Variants in GALNT13 observed in about 807,000 individuals in gnomAD.
GALNT13 encodes UDP-GalNAc:polypeptide N-acetylgalactosaminyltransferase 13.
A neutral mutation model predicts 64.2 loss-of-function variants in GALNT13; 28 were observed. That is an observed-to-expected ratio of 0.44 (90% confidence interval 0.32 to 0.60). The LOEUF (loss-of-function observed/expected upper bound fraction) is 0.60, where lower values mean the gene tolerates loss of function less well. Ranked by LOEUF, GALNT13 falls within the 20% of genes least tolerant of loss-of-function variation. The probability of loss-of-function intolerance (pLI) is 0.05; values close to 1 mark genes in which losing one functional copy is unlikely to be tolerated. For synonymous variants in GALNT13, 214 were observed against 224.6 expected (o/e 0.95, Z 0.42); for missense variants, 577 against 669.8 (o/e 0.86, Z 1.53).
intron 3 of GALNT13, among the ~76,000 whole-genome samples, chr2:154,107,376 C>T (rs944086676): frequency 1.3e-5 from 2 of 151,960 alleles, no homozygotes; most frequent in Non-Finnish European, 2.9e-5. Context: ...GGGCAGATCA[C>T]GAGGTCAGAT....
At chr2:153,715,472 C>T in the GALNT13 span, among the ~76,000 whole-genome samples, 3 of 152,372 alleles carry the variant, frequency 2.0e-5, no homozygotes, top group Non-Finnish European at 4.4e-5. Context: ...CTTTTAGCAG[C>T]TTTAAATGGT....
At chr2:153,305,163 C>T in the GALNT13 span, among the ~76,000 whole-genome samples, 3 of 152,038 alleles carry the variant, frequency 2.0e-5, no homozygotes, top group East Asian at 1.9e-4. Context: ...GCAGGTGCTT[C>T]GTGTATTGTG....
intron 9 of GALNT13, among the ~76,000 whole-genome samples, chr2:154,394,939 T>G (rs1646662227): frequency 6.6e-6 from 1 of 151,990 alleles, no homozygotes; most frequent in Non-Finnish European, 1.5e-5. Flanking sequence ...GAATGATGAG[T>G]TTTGAGTGTT....
chr2:153,224,490 T>A, the GALNT13 span, among the ~76,000 whole-genome samples: 1 of 43,726 alleles, frequency 2.3e-5, no homozygotes, highest in African/African-American at 1.7e-4. Flanking sequence ...AAAATAAAAG[T>A]TGAATTTTTT....
the GALNT13 span, among the ~76,000 whole-genome samples, chr2:153,591,101 A>G: frequency 6.6e-6 from 1 of 152,108 alleles, no homozygotes; most frequent in Non-Finnish European, 1.5e-5. Flanking sequence ...CTTAGATTTG[A>G]TCACTGAATT....
At chr2:153,438,697 C>G in the GALNT13 span, among the ~76,000 whole-genome samples, 2 of 152,186 alleles carry the variant, frequency 1.3e-5, no homozygotes, top group Admixed American at 1.3e-4. Flanking sequence ...AAGGACTTCT[C>G]TGCATTGGTT....
intron 3 of GALNT13, among the ~76,000 whole-genome samples, chr2:154,101,707 G>T (rs1244717950): frequency 6.6e-6 from 1 of 151,748 alleles, no homozygotes; most frequent in Non-Finnish European, 1.5e-5. Context: ...GTTTTGGTTT[G>T]TTCTTGTTTT....
chr2:153,354,241 A>T, the GALNT13 span: 1 of 152,220 alleles, frequency 6.6e-6, no homozygotes, highest in Non-Finnish European at 1.5e-5. Flanking sequence ...TTTGACTATC[A>T]TTCCTGAAGT....
At chr2:153,970,419 G>T (rs998252360) in intron 3 of GALNT13, among the ~76,000 whole-genome samples, 1 of 152,132 alleles carries the variant, frequency 6.6e-6, no homozygotes, top group Non-Finnish European at 1.5e-5. Flanking sequence ...AATATCCTTT[G>T]CAGGTTCCCT....
chr2:153,835,341 A>G, the GALNT13 span, among the ~76,000 whole-genome samples: 1 of 152,088 alleles, frequency 6.6e-6, no homozygotes, highest in Admixed American at 6.6e-5. Flanking sequence ...AAACACAAGA[A>G]TTATTTATGT....
At chr2:153,490,477 C>A in the GALNT13 span, among the ~76,000 whole-genome samples, 4 of 152,096 alleles carry the variant, frequency 2.6e-5, no homozygotes, top group African/African-American at 7.2e-5. Flanking sequence ...GCCTCCCAGG[C>A]TAAGTGATTC....
intron 3 of GALNT13, among the ~76,000 whole-genome samples, chr2:154,054,716 C>T (rs967067102): frequency 6.6e-6 from 1 of 151,858 alleles, no homozygotes; most frequent in Non-Finnish European, 1.5e-5. Context: ...CATAACATCC[C>T]TTAAGGAATT....
In GALNT13 at chr2:153,899,944, T is replaced by A. The variant is rs1424065388; in HGVS notation, c.-176-992T>A. Among the ~76,000 whole-genome samples, 3 of 143,758 alleles carry A rather than the reference T, an allele frequency of 2.1e-5. No homozygotes were observed. In the East Asian group the frequency reaches 5.9e-4, roughly 28 times the overall value. The allele number at this position is 143,758 out of a possible 152,430, so 94.3% of individuals were successfully genotyped here. A position where few individuals can be genotyped will look rare whatever the true frequency, so the allele number is the denominator to read the frequency against. On this transcript the variant is annotated intron_variant, in intron 1 of 12. Coordinates refer to ENST00000392825, the MANE Select transcript of GALNT13 (RefSeq NM_052917.4). ...ATATATATATATATATATTTTTTTT[T>A]TTTTTTTTTGAGATGGAGTCTCATT...
chr2:153,117,252 T>C, the GALNT13 span, among the ~76,000 whole-genome samples: 13 of 152,188 alleles, frequency 8.5e-5, no homozygotes, highest in Admixed American at 5.2e-4. Flanking sequence ...TACGTACTTA[T>C]AAGGTAAGAA....
At chr2:153,856,305 T>A in the GALNT13 span, among the ~76,000 whole-genome samples, 1 of 152,296 alleles carries the variant, frequency 6.6e-6, no homozygotes, top group Non-Finnish European at 1.5e-5. Context: ...AGATAGATAG[T>A]TGTTTTAAAG....
the GALNT13 span, among the ~76,000 whole-genome samples, chr2:153,744,791 A>G: frequency 6.6e-6 from 1 of 152,150 alleles, no homozygotes; most frequent in African/African-American, 2.4e-5. Context: ...CTGGAGTTTG[A>G]ATGCTTTTTG....
At chr2:154,355,677 G>A (rs1469464424) in intron 9 of GALNT13, among the ~76,000 whole-genome samples, 1 of 152,030 alleles carries the variant, frequency 6.6e-6, no homozygotes, top group Non-Finnish European at 1.5e-5. Flanking sequence ...AATGTAGCAA[G>A]TATTTCTCAC....
At chr2:153,332,781 C>T in the GALNT13 span, among the ~76,000 whole-genome samples, 2 of 152,230 alleles carry the variant, frequency 1.3e-5, no homozygotes, top group African/African-American at 2.4e-5. Flanking sequence ...GGCTGCTGAA[C>T]CCAATGCATG....
chr2:153,290,090 C>A, the GALNT13 span, among the ~76,000 whole-genome samples: 14 of 152,196 alleles, frequency 9.2e-5, no homozygotes, highest in African/African-American at 3.1e-4. Context: ...TCTATTATTC[C>A]TTTCTTAACT....
Sources: gnomAD v4.1 joint callset for allele counts (sites outside exome capture counted in the v4.1 genomes callset) on GRCh38, gnomAD v4.1.1 for gene constraint, MANE v1.5 for transcripts, NCBI Gene and HGNC (gene_info 2026-07-23, HGNC 2026-07-21) for gene names.